RPS6KA6: variants seen among roughly 807,000 people sequenced by gnomAD.
RPS6KA6 encodes the protein ribosomal protein S6 kinase alpha-6.
A neutral mutation model predicts 65.4 loss-of-function variants in RPS6KA6; 27 were observed. That is an observed-to-expected ratio of 0.41 (90% CI 0.30 to 0.57). The LOEUF (loss-of-function observed/expected upper bound fraction) is 0.57, where lower values mean the gene tolerates loss of function less well. RPS6KA6 is among the 20% of genes least tolerant of loss of function. The pLI, the probability that RPS6KA6 is intolerant of heterozygous loss-of-function variation, is 0.24. For synonymous variants in RPS6KA6, 190 were observed against 184.2 expected, an observed-to-expected ratio of 1.03 and a Z score of -0.26; for missense variants, 486 against 555.6, an observed-to-expected ratio of 0.87 and a Z score of 1.26.
chrX:84,169,708 G>A (rs1261944051), intron 1 of RPS6KA6, among the ~76,000 whole-genome samples: 1 of 111,560 alleles, frequency 9.0e-6, no homozygotes, highest in Non-Finnish European at 1.9e-5. Flanking sequence ...ACACATTTCC[G>A]AAGAAGACAG....
At chrX:84,087,243 T>A (rs191316570) in intron 20 of RPS6KA6, among the ~76,000 whole-genome samples, 47 of 111,902 alleles carry the variant, frequency 4.2e-4, no homozygotes, top group African/African-American at 1.5e-3. Context: ...GGTTGTTTCA[T>A]AATGTAACTG....
At chrX:84,076,840 G>A (rs1163587162) in intron 20 of RPS6KA6, among the ~76,000 whole-genome samples, 1 of 110,704 alleles carries the variant, frequency 9.0e-6, no homozygotes, top group Non-Finnish European at 1.9e-5. Context: ...GCACTAAAAC[G>A]TCCTTATAAA....
Position 84,106,376 on chromosome X carries a change from ATTCC to A in RPS6KA6, c.1350_1353del (p.Met450IlefsTer4). ...CTCAGAGACAATACCTTCACTGCAAATTCCATGTTGGTAGTTGCATGTATGCATC... is the reference window on the plus strand; with the variant it reads ...CTCAGAGACAATACCTTCACTGCAAAATGTTGGTAGTTGCATGTATGCATC... On this transcript the variant is annotated frameshift_variant, in exon 15 of 22. Coordinates refer to ENST00000262752, the MANE Select transcript of RPS6KA6 (RefSeq NM_014496.5). LOFTEE classifies it high-confidence loss of function. 2 of 1,203,468 alleles carry A rather than the reference ATTCC, an allele frequency of 1.7e-6. No individual in the cohort carries two copies. The highest frequency in any genetic ancestry group is 2.2e-6 in the Non-Finnish European group (2 of 890,577).
At chrX:84,180,826 G>T (rs2035840698) in intron 1 of RPS6KA6, among the ~76,000 whole-genome samples, 1 of 111,582 alleles carries the variant, frequency 9.0e-6, no homozygotes, top group African/African-American at 3.2e-5. Flanking sequence ...TTAGGGGGGA[G>T]ATAGCAATGT....
At chrX:84,116,362 T>C (rs1308125979) in intron 11 of RPS6KA6, 75 bp from the exon 12 acceptor site, 1 of 497,075 alleles carries the variant, frequency 2.0e-6, no homozygotes, top group Non-Finnish European at 3.2e-6. Flanking sequence ...GACTGCTATC[T>C]GTAAACAGGA....
intron 6 of RPS6KA6, among the ~76,000 whole-genome samples, chrX:84,139,784 G>C (rs1391290839): frequency 8.9e-6 from 1 of 112,202 alleles, no homozygotes; most frequent in Non-Finnish European, 1.9e-5. Context: ...CGTATGAAAT[G>C]ATACTTTTAA....
At chrX:84,066,929 T>C (rs1486885821) in intron 20 of RPS6KA6, among the ~76,000 whole-genome samples, 1 of 110,255 alleles carries the variant, frequency 9.1e-6, no homozygotes, top group Admixed American at 9.6e-5. Context: ...CAGGAAGGAG[T>C]AGGAAGCAAT....
chrX:84,086,977 C>T (rs1443868059), intron 20 of RPS6KA6, among the ~76,000 whole-genome samples: 1 of 110,425 alleles, frequency 9.1e-6, no homozygotes, highest in Non-Finnish European at 1.9e-5. Context: ...GATTGCAACC[C>T]CTGCTTTTTT....
At chrX:84,152,085 T>C (rs2035336458) in intron 3 of RPS6KA6, among the ~76,000 whole-genome samples, 1 of 111,493 alleles carries the variant, frequency 9.0e-6, no homozygotes, top group Non-Finnish European at 1.9e-5. Flanking sequence ...CACTGTTGCA[T>C]AAAGGAGCCA....
intron 9 of RPS6KA6, among the ~76,000 whole-genome samples, chrX:84,119,313 T>C (rs111577951): frequency 8.9e-6 from 1 of 111,919 alleles, no homozygotes; most frequent in Non-Finnish European, 1.9e-5. Flanking sequence ...CCAAAGCAAA[T>C]TATATCTAAT....
In RPS6KA6 at chrX:84,105,874, G is replaced by C; in HGVS notation, c.1368C>G (p.Ile456Met). 3 of 1,102,802 alleles carry C rather than the reference G, an allele frequency of 2.7e-6. No homozygotes were observed. Among genetic ancestry groups the C allele is most frequent in the Non-Finnish European group, 3.7e-6 (3 of 809,716 alleles). The allele number at this position is 1,102,802 out of a possible 1,213,427, so 90.9% of individuals were successfully genotyped here. Residue 456 changes from isoleucine (I) to methionine (M), a missense_variant and splice_region_variant, in exon 16 of 22, where the codon ATC (isoleucine) becomes ATG (methionine). Physicochemically the swap from Ile to Met is conservative, Grantham distance 10. This residue lies in a region of RPS6KA6 where 345 missense variants were observed against 375.0 expected (regional missense o/e 0.92). Transcript: ENST00000262752. ...ATTNMEFAVK[I>M]IDKSKRDPSE... ...AAGGGTCTCGCTTACTTTTGTCAAT[G>C]ATCTAAGAAATACGAAAAAAGAAAA...
chrX:84,166,258 T>G (rs2035595276), intron 1 of RPS6KA6, among the ~76,000 whole-genome samples: 1 of 111,344 alleles, frequency 9.0e-6, no homozygotes, highest in Non-Finnish European at 1.9e-5. Flanking sequence ...ACAAACAAAT[T>G]ATCAACAAGT....
chrX:84,102,276 A>ATG, intron 17 of RPS6KA6, 78 bp from the exon 18 acceptor site: 3 of 529,113 alleles, frequency 5.7e-6, no homozygotes, highest in Non-Finnish European at 8.0e-6. Context: ...TATCTATATA[A>ATG]TTAACTAAAT....
At chrX:84,178,993 T>C (rs1052285205) in intron 1 of RPS6KA6, among the ~76,000 whole-genome samples, 1 of 110,637 alleles carries the variant, frequency 9.0e-6, no homozygotes, top group African/African-American at 3.3e-5. Flanking sequence ...ACAGACCATG[T>C]GGGAAAAATA....
intron 2 of RPS6KA6, among the ~76,000 whole-genome samples, chrX:84,157,883 T>A (rs1456849200): frequency 1.8e-5 from 2 of 110,063 alleles, no homozygotes; most frequent in African/African-American, 6.6e-5. Context: ...TTATTAATAA[T>A]GCTCACATGC....
At chrX:84,073,327 CAGA>C (rs2033588259) in intron 20 of RPS6KA6, among the ~76,000 whole-genome samples, 1 of 111,564 alleles carries the variant, frequency 9.0e-6, no homozygotes. Context: ...CATCTATATG[CAGA>C]AGAATAAAAC....
Position 84,119,286 on chromosome X carries a change from CA to C in RPS6KA6, c.789+598del, listed in dbSNP as rs201593081. On this transcript the variant is annotated intron_variant, in intron 9 of 21. Coordinates refer to ENST00000262752, the MANE Select transcript of RPS6KA6 (RefSeq NM_014496.5). ...GATGTGCTACTCAGTGATAAATGGACAAAATGGATCAGACCTCCAAAGCAAA... is the reference window on the plus strand; with the variant it reads ...GATGTGCTACTCAGTGATAAATGGACAAATGGATCAGACCTCCAAAGCAAA... Among the ~76,000 whole-genome samples, 617 of 111,858 alleles carry C rather than the reference CA, an allele frequency of 5.5e-3. 2 individuals carry two copies. The highest frequency in any genetic ancestry group is 6.5e-3 in the Non-Finnish European group (347 of 53,028).
intron 18 of RPS6KA6, among the ~76,000 whole-genome samples, chrX:84,101,020 G>A (rs905927103): frequency 5.5e-5 from 6 of 109,807 alleles, no homozygotes; most frequent in Non-Finnish European, 9.6e-5. Flanking sequence ...TATCTGATGT[G>A]CAATATTTCC....
chrX:84,170,401 G>A (rs1044352675), intron 1 of RPS6KA6, among the ~76,000 whole-genome samples: 10 of 109,861 alleles, frequency 9.1e-5, no homozygotes, highest in Non-Finnish European at 1.9e-4. Context: ...AGGCTGAGGC[G>A]GGTGGATCAC....
Sources: gnomAD v4.1 joint callset for allele counts (sites outside exome capture counted in the v4.1 genomes callset) on GRCh38, gnomAD v4.1.1 for gene constraint, gnomAD v4.1.1 regional missense constraint, MANE v1.5 for transcripts, NCBI Gene and HGNC (gene_info 2026-07-23, HGNC 2026-07-21) for gene names.